NETO1: variants seen among roughly 807,000 people sequenced by gnomAD.
NETO1 encodes neuropilin and tolloid-like protein 1.
A neutral mutation model predicts 61.3 loss-of-function variants in NETO1; 26 were observed. The ratio of observed to expected loss-of-function variants is 0.42; its 90% CI spans 0.31 to 0.59. The LOEUF (loss-of-function observed/expected upper bound fraction) is 0.59. NETO1 is among the 20% of genes least tolerant of loss of function. The probability of loss-of-function intolerance (pLI) is 0.12; values close to 1 mark genes in which losing one functional copy is unlikely to be tolerated. For synonymous variants in NETO1, 225 were observed against 225.8 expected, an observed-to-expected ratio of 1.00 and a Z score of 0.03; for missense variants, 531 against 662.8, an observed-to-expected ratio of 0.80 and a Z score of 2.18.
intron 4 of NETO1, among the ~76,000 whole-genome samples, chr18:72,798,890 G>A (rs1196563476): frequency 6.6e-6 from 1 of 152,164 alleles, no homozygotes; most frequent in African/African-American, 2.4e-5. Context: ...TACAATGTGT[G>A]GTGACCAGTT....
intron 4 of NETO1, among the ~76,000 whole-genome samples, chr18:72,801,435 G>C (rs2072503699): frequency 6.6e-6 from 1 of 152,062 alleles, no homozygotes; most frequent in South Asian, 2.1e-4. Flanking sequence ...ATATACGGAA[G>C]AGTTTTCCAG....
intron 7 of NETO1, 71 bp from the exon 8 acceptor site, chr18:72,756,218 C>G: frequency 1.4e-6 from 1 of 694,768 alleles, no homozygotes; most frequent in South Asian, 1.8e-5. Context: ...ACTCACATTA[C>G]AAATCTAAAA....
chr18:72,836,888 G>T (rs1013478513), intron 4 of NETO1, among the ~76,000 whole-genome samples: 1 of 152,166 alleles, frequency 6.6e-6, no homozygotes, highest in Non-Finnish European at 1.5e-5. Flanking sequence ...TATTAAATTT[G>T]ATCAGGTGAG....
chr18:72,780,137 A>G (rs1484958233), intron 7 of NETO1, among the ~76,000 whole-genome samples: 2 of 152,218 alleles, frequency 1.3e-5, no homozygotes, highest in Admixed American at 1.3e-4. Context: ...ATTCAGACCA[A>G]CATGGGTGGT....
intron 4 of NETO1, among the ~76,000 whole-genome samples, chr18:72,826,326 T>C (rs1377066269): frequency 6.6e-6 from 1 of 152,180 alleles, no homozygotes; most frequent in Admixed American, 6.5e-5. Flanking sequence ...TACTTAACAC[T>C]TATCTTTTCA....
chr18:72,762,671 C>T (rs920677612), intron 7 of NETO1, among the ~76,000 whole-genome samples: 1 of 152,106 alleles, frequency 6.6e-6, no homozygotes, highest in Non-Finnish European at 1.5e-5. Context: ...TGCTTCATTA[C>T]TCTTGAATTC....
At chr18:72,777,261 C>A (rs1479066453) in intron 7 of NETO1, among the ~76,000 whole-genome samples, 2 of 151,628 alleles carry the variant, frequency 1.3e-5, no homozygotes, top group African/African-American at 4.8e-5. Flanking sequence ...CTACTAAATA[C>A]AAAAAAATTA....
At chr18:72,848,013 C>A (rs966144386) in intron 4 of NETO1, among the ~76,000 whole-genome samples, 11 of 152,160 alleles carry the variant, frequency 7.2e-5, no homozygotes, top group Admixed American at 1.3e-4. Context: ...TCAAAGCCAA[C>A]AGAGATAATT....
intron 4 of NETO1, among the ~76,000 whole-genome samples, chr18:72,855,514 C>A (rs2074387288): frequency 6.6e-6 from 1 of 152,288 alleles, no homozygotes; most frequent in Non-Finnish European, 1.5e-5. Flanking sequence ...CTCCTTTAAG[C>A]CCATTTCTAT....
chr18:72,813,921 GAAA>G (rs2072948618), intron 4 of NETO1, among the ~76,000 whole-genome samples: 1 of 151,982 alleles, frequency 6.6e-6, no homozygotes, highest in Non-Finnish European at 1.5e-5. Flanking sequence ...ACTATGCAGA[GAAA>G]AAGAGTAACA....
intron 4 of NETO1, among the ~76,000 whole-genome samples, chr18:72,803,045 T>C (rs2072559708): frequency 6.6e-6 from 1 of 152,184 alleles, no homozygotes; most frequent in African/African-American, 2.4e-5. Flanking sequence ...AAAAGCATAT[T>C]ACAGTTGTTT....
At chr18:72,826,112 A>C in intron 4 of NETO1, among the ~76,000 whole-genome samples, 1 of 152,172 alleles carries the variant, frequency 6.6e-6, no homozygotes, top group Non-Finnish European at 1.5e-5. Flanking sequence ...CAAGTGTTCC[A>C]CAATTATCGT....
At chr18:72,840,190 A>C (rs150458805) in intron 4 of NETO1, among the ~76,000 whole-genome samples, 1 of 152,220 alleles carries the variant, frequency 6.6e-6, no homozygotes. Flanking sequence ...TGACAGGGAC[A>C]TTCTCCAGTG....
At chr18:72,761,578 G>A (rs12607008) in intron 7 of NETO1, among the ~76,000 whole-genome samples, 44,714 of 151,958 alleles carry the variant, frequency 0.29, 7,739 homozygotes, top group South Asian at 0.4. Context: ...CAGGCCATAT[G>A]TAGAACAGAA....
chr18:72,866,616 A>G (rs748065319), intron 1 of NETO1: 55 of 715,558 alleles, frequency 7.7e-5, no homozygotes, highest in Non-Finnish European at 9.3e-5. Flanking sequence ...CGCGATCAAC[A>G]CTCTCATCTT....
At chr18:72,749,943 A>G (rs574964579) in intron 9 of NETO1, 119 bp downstream of exon 9, 3 of 764,640 alleles carry the variant, frequency 3.9e-6, no homozygotes, top group African/African-American at 1.7e-5. Context: ...TTGGAAAACT[A>G]GGGTTTAAAT....
At chr18:72,825,992 G>A (rs2073360459) in intron 4 of NETO1, among the ~76,000 whole-genome samples, 1 of 152,072 alleles carries the variant, frequency 6.6e-6, no homozygotes, top group African/African-American at 2.4e-5. Flanking sequence ...TTTATTGAGT[G>A]CAGAGTTGTA....
intron 7 of NETO1, among the ~76,000 whole-genome samples, chr18:72,771,992 T>C (rs1018526448): frequency 2.6e-5 from 4 of 152,094 alleles, no homozygotes; most frequent in Admixed American, 6.6e-5. Context: ...TCTGTCTGGA[T>C]TGGGTTCTCA....
intron 4 of NETO1, among the ~76,000 whole-genome samples, chr18:72,826,958 G>A (rs760952368): frequency 2.6e-5 from 4 of 152,052 alleles, no homozygotes; most frequent in East Asian, 1.9e-4. Flanking sequence ...GTTCTGGCTT[G>A]TCTCCCTTAT....
Sources: allele counts gnomAD v4.1 joint callset (sites outside exome capture counted in the v4.1 genomes callset), GRCh38; gene constraint gnomAD v4.1.1; transcripts MANE v1.5; gene names NCBI Gene and HGNC (gene_info 2026-07-23, HGNC 2026-07-21).